PDE1A: variants seen among roughly 807,000 people sequenced by gnomAD.
PDE1A encodes dual specificity calcium/calmodulin-dependent 3',5'-cyclic nucleotide phosphodiesterase 1A.
Under a neutral mutation model 61.7 loss-of-function variants are expected in PDE1A, and 35 were observed. The observed-to-expected ratio is 0.57, with a 90% CI of 0.43 to 0.75. PDE1A has a LOEUF of 0.75. PDE1A is among the 30% of genes least tolerant of loss of function. PDE1A has a pLI of 0.00. For synonymous variants in PDE1A, 232 were observed against 213.2 expected, an observed-to-expected ratio of 1.09 and a Z score of -0.77; for missense variants, 597 against 630.6, an observed-to-expected ratio of 0.95 and a Z score of 0.57.
At chr2:182,140,830 G>A (rs987352296) in exon 15 of PDE1A, 2 of 150,902 alleles carry the variant, frequency 1.3e-5, no homozygotes, top group Non-Finnish European at 2.9e-5. Context: ...ACAAAGGAAG[G>A]AATAAATATA....
At chr2:182,671,389 C>G in the PDE1A span, among the ~76,000 whole-genome samples, 525 of 135,648 alleles carry the variant, frequency 3.9e-3, 4 homozygotes, top group African/African-American at 0.013. Flanking sequence ...GGGGTTTCGC[C>G]GCATTAGCTA....
At chr2:182,616,901 T>A in the PDE1A span, among the ~76,000 whole-genome samples, 3 of 152,218 alleles carry the variant, frequency 2.0e-5, no homozygotes, top group Non-Finnish European at 4.4e-5. Flanking sequence ...TCAGTGGAAG[T>A]CTTTGATTCA....
chr2:182,640,429 G>C, the PDE1A span, among the ~76,000 whole-genome samples: 1 of 152,196 alleles, frequency 6.6e-6, no homozygotes, highest in Non-Finnish European at 1.5e-5. Context: ...ATTAAGGAAA[G>C]AGGTAGAAAG....
rs1474248937 is a variant in PDE1A, at chr2:182,174,763, A to G, written c.1517-6473T>C. Among the ~76,000 whole-genome samples, 4 of 151,980 alleles carry G rather than the reference A, an allele frequency of 2.6e-5. No homozygotes were observed. In the East Asian group the frequency reaches 7.7e-4, roughly 29 times the overall value. ...TTTTATTTTATTTTATTTTTATTAT[A>G]CTTTAAGTTCTGGGATACATGTGCA... On this transcript the variant is annotated intron_variant, in intron 13 of 13. Transcript: ENST00000351439.
intron 2 of PDE1A, among the ~76,000 whole-genome samples, chr2:182,463,993 G>T (rs1686483562): frequency 6.6e-6 from 1 of 152,044 alleles, no homozygotes; most frequent in South Asian, 2.1e-4. Context: ...TTCTATGCCA[G>T]CCCCACTTCT....
At chr2:182,283,005 T>C (rs1458429587) in intron 1 of PDE1A, among the ~76,000 whole-genome samples, 1 of 152,040 alleles carries the variant, frequency 6.6e-6, no homozygotes, top group East Asian at 1.9e-4. Flanking sequence ...TTTCCATCTA[T>C]ATAAAGCTGG....
intron 1 of PDE1A, among the ~76,000 whole-genome samples, chr2:182,304,287 A>AAGGCCTTGCTCTGGATT (rs1279642271): frequency 6.6e-6 from 1 of 152,198 alleles, no homozygotes; most frequent in Non-Finnish European, 1.5e-5. Flanking sequence ...GAAGAGAGTC[A>AAGGCCTTGCTCTGGATT]AGGCCTTGCT....
chr2:182,169,488 C>G (rs1017437227), intron 13 of PDE1A, among the ~76,000 whole-genome samples: 2 of 151,812 alleles, frequency 1.3e-5, no homozygotes, highest in African/African-American at 4.8e-5. Context: ...ATATGACACA[C>G]AGAAAGAAAA....
chr2:182,661,335 T>C, the PDE1A span, among the ~76,000 whole-genome samples: 3 of 152,232 alleles, frequency 2.0e-5, no homozygotes, highest in South Asian at 6.2e-4. Context: ...TCTTACCTAA[T>C]ATATGCCCAT....
chr2:182,712,417 T>A, the PDE1A span, among the ~76,000 whole-genome samples: 7 of 152,356 alleles, frequency 4.6e-5, no homozygotes, highest in Non-Finnish European at 1.0e-4. Context: ...TGAAGGAGAA[T>A]GTCCTTGTTT....
At chr2:182,294,810 CG>C (rs1694765576) in intron 1 of PDE1A, among the ~76,000 whole-genome samples, 1 of 151,732 alleles carries the variant, frequency 6.6e-6, no homozygotes, top group Admixed American at 6.6e-5. Context: ...CAGGTAAAGA[CG>C]AAAGGGTGTT....
At chr2:182,411,429 T>C (rs1416479767) in intron 1 of PDE1A, among the ~76,000 whole-genome samples, 1 of 152,222 alleles carries the variant, frequency 6.6e-6, no homozygotes, top group African/African-American at 2.4e-5. Flanking sequence ...GTGGTATTTT[T>C]GTTTGAGGTT....
intron 2 of PDE1A, among the ~76,000 whole-genome samples, chr2:182,510,130 T>C (rs1689690792): frequency 6.6e-6 from 1 of 152,104 alleles, no homozygotes; most frequent in South Asian, 2.1e-4. Context: ...TCGGCCTATT[T>C]AGTAAAAGTC....
intron 1 of PDE1A, among the ~76,000 whole-genome samples, chr2:182,297,642 A>AT (rs1334517135): frequency 6.6e-6 from 1 of 152,222 alleles, no homozygotes; most frequent in East Asian, 1.9e-4. Context: ...TGCCTTGCCC[A>AT]TATCTGTTCA....
At chr2:182,568,404 C>T in the PDE1A span, among the ~76,000 whole-genome samples, 6 of 152,280 alleles carry the variant, frequency 3.9e-5, no homozygotes, top group South Asian at 4.1e-4. Context: ...AAAGACTGGG[C>T]GCGGTGGCTC....
chr2:182,206,303 C>T (rs1443008904), intron 7 of PDE1A, among the ~76,000 whole-genome samples: 1 of 152,116 alleles, frequency 6.6e-6, no homozygotes, highest in Non-Finnish European at 1.5e-5. Flanking sequence ...CAAAATTTCC[C>T]ATGTACTTTC....
chr2:182,174,591 G>C (rs184047220), intron 13 of PDE1A, among the ~76,000 whole-genome samples: 121 of 152,104 alleles, frequency 8.0e-4, no homozygotes, highest in African/African-American at 2.9e-3. Flanking sequence ...TTCATACTCT[G>C]TTACAGTCCT....
At chr2:182,495,521 T>C (rs1454995287) in intron 2 of PDE1A, among the ~76,000 whole-genome samples, 3 of 152,216 alleles carry the variant, frequency 2.0e-5, no homozygotes, top group African/African-American at 7.2e-5. Context: ...CTTCATAGTG[T>C]TGACCCAATC....
intron 13 of PDE1A, among the ~76,000 whole-genome samples, chr2:182,162,224 T>C (rs1247020655): frequency 6.6e-6 from 1 of 152,168 alleles, no homozygotes; most frequent in Non-Finnish European, 1.5e-5. Context: ...GCAATGGGAA[T>C]AATTGGATCC....
Sources: allele counts gnomAD v4.1 joint callset (sites outside exome capture counted in the v4.1 genomes callset), GRCh38; gene constraint gnomAD v4.1.1; transcripts MANE v1.5; gene names NCBI Gene and HGNC (gene_info 2026-07-23, HGNC 2026-07-21).